The following MAP4K4 variants were observed in gnomAD, a reference collection of about 807,000 sequenced individuals.
MAP4K4 encodes the protein HPK/GCK-like kinase HGK.
Under a neutral mutation model 189.6 loss-of-function variants are expected in MAP4K4, and 38 were observed. That is an observed-to-expected ratio of 0.20 (90% CI 0.15 to 0.26). MAP4K4 has a LOEUF of 0.26. Ranked by LOEUF, MAP4K4 falls within the 10% of genes least tolerant of loss-of-function variation. The pLI is 1.00. For synonymous variants in MAP4K4, 610 were observed against 624.3 expected, an observed-to-expected ratio of 0.98 and a Z score of 0.34; for missense variants, 1,054 against 1,726.9, an observed-to-expected ratio of 0.61 and a Z score of 6.91.
Position 101,877,164 on chromosome 2 carries a change from AAAC to A in MAP4K4, c.3385+19_3385+21del, listed in dbSNP as rs772133412. 15 of 1,613,292 alleles carry A rather than the reference AAAC, an allele frequency of 9.3e-6. No individual in the cohort carries two copies. Among genetic ancestry groups the A allele is most frequent in the Admixed American group, 1.7e-5 (1 of 59,984 alleles). On this transcript the variant is annotated intron_variant, in intron 27 of 32. Coordinates refer to ENST00000324219, the Ensembl canonical transcript of MAP4K4. ...AATATCTGGTGAGTGTTTGTTTTGT[AAAC>A]CAGAATATGTGACACCATCTTAACA...
chr2:101,861,934 TA>T (rs375489497), intron 16 of MAP4K4: 40,543 of 134,844 alleles, frequency 0.3, 5,957 homozygotes, highest in Non-Finnish European at 0.34. Context: ...ATGGAGGAGT[TA>T]AAAAAAAAAA....
intron 2 of MAP4K4, among the ~76,000 whole-genome samples, chr2:101,715,104 CAG>C (rs1474439469): frequency 6.6e-6 from 1 of 152,172 alleles, no homozygotes; most frequent in African/African-American, 2.4e-5. Flanking sequence ...TTCTAGAGGA[CAG>C]AAGTCCAAGA....
At chr2:101,704,099 G>A (rs2040597856) in intron 2 of MAP4K4, among the ~76,000 whole-genome samples, 1 of 152,168 alleles carries the variant, frequency 6.6e-6, no homozygotes, top group Non-Finnish European at 1.5e-5. Flanking sequence ...TATCTTTTAA[G>A]TGTAGCATCT....
At chr2:101,819,018 G>A (rs932263097) in intron 3 of MAP4K4, among the ~76,000 whole-genome samples, 3 of 152,196 alleles carry the variant, frequency 2.0e-5, no homozygotes, top group Non-Finnish European at 2.9e-5. Flanking sequence ...AGAAGGGCAT[G>A]GAGGACACAG....
At chr2:101,697,976 C>G (rs2035205163) in exon 1 of MAP4K4, 1 of 736,320 alleles carries the variant, frequency 1.4e-6, no homozygotes, top group Non-Finnish European at 1.9e-6. Flanking sequence ...CGGGCCGGCT[C>G]GGCTGCCGCG....
intron 2 of MAP4K4, among the ~76,000 whole-genome samples, chr2:101,731,152 T>C (rs2058288462): frequency 6.6e-6 from 1 of 151,944 alleles, no homozygotes. Context: ...AGTTTCATTC[T>C]GCTGCCCAGG....
At chr2:101,736,387 C>T (rs2060280087) in intron 2 of MAP4K4, among the ~76,000 whole-genome samples, 1 of 152,210 alleles carries the variant, frequency 6.6e-6, no homozygotes, top group African/African-American at 2.4e-5. Context: ...CTGCCAGGCA[C>T]TTCTGTATGC....
chr2:101,837,661 G>A (rs2096798755), intron 9 of MAP4K4, among the ~76,000 whole-genome samples: 1 of 152,088 alleles, frequency 6.6e-6, no homozygotes, highest in Admixed American at 6.5e-5. Context: ...ACTCTACCCA[G>A]TTCATGCTTT....
At chr2:101,845,945 T>C (rs1343362625) in intron 12 of MAP4K4, among the ~76,000 whole-genome samples, 1 of 152,252 alleles carries the variant, frequency 6.6e-6, no homozygotes. Context: ...TATTAAATAT[T>C]ATCCTACTAA....
At chr2:101,754,512 C>T (rs1262062261) in intron 2 of MAP4K4, among the ~76,000 whole-genome samples, 1 of 151,974 alleles carries the variant, frequency 6.6e-6, no homozygotes, top group Non-Finnish European at 1.5e-5. Flanking sequence ...CCACCGTGCC[C>T]AGCTGATTTT....
chr2:101,866,492 A>C, exon 19 of MAP4K4: 1 of 1,613,730 alleles, frequency 6.2e-7, no homozygotes, highest in Non-Finnish European at 8.5e-7. Flanking sequence ...TGGCAGTGGC[A>C]GCTCCTCAGG....
chr2:101,723,091 A>G (rs529535129), intron 2 of MAP4K4, among the ~76,000 whole-genome samples: 3 of 152,196 alleles, frequency 2.0e-5, no homozygotes. Flanking sequence ...GGAACTGCCA[A>G]ACACTTACAA....
At chr2:101,701,296 C>T (rs749796580) in intron 2 of MAP4K4, among the ~76,000 whole-genome samples, 3 of 151,974 alleles carry the variant, frequency 2.0e-5, no homozygotes, top group Non-Finnish European at 4.4e-5. Flanking sequence ...TCTTTTGGGG[C>T]GAACGACTCT....
intron 15 of MAP4K4, 198 bp downstream of exon 15, chr2:101,860,062 C>G: frequency 1.6e-6 from 1 of 614,168 alleles, no homozygotes; most frequent in Non-Finnish European, 2.9e-6. Context: ...GTGCTTTTTC[C>G]ATAAAGGACC....
intron 2 of MAP4K4, among the ~76,000 whole-genome samples, chr2:101,721,546 C>T (rs2052053860): frequency 6.6e-6 from 1 of 151,904 alleles, no homozygotes; most frequent in South Asian, 2.1e-4. Flanking sequence ...AGCGATTCTC[C>T]TGCCTCGGCT....
chr2:101,853,028 A>G (rs981274081), intron 12 of MAP4K4, among the ~76,000 whole-genome samples: 3 of 152,198 alleles, frequency 2.0e-5, no homozygotes, highest in African/African-American at 7.2e-5. Flanking sequence ...AGGATATTGG[A>G]AGGATTCCCA....
chr2:101,790,766 A>T, exon 3 of MAP4K4: 1 of 1,609,742 alleles, frequency 6.2e-7, no homozygotes, highest in Non-Finnish European at 8.5e-7. Context: ...AAAGTTATGG[A>T]TGTCACTGAG....
intron 2 of MAP4K4, among the ~76,000 whole-genome samples, chr2:101,717,344 A>G (rs1042002919): frequency 6.6e-6 from 1 of 152,236 alleles, no homozygotes; most frequent in Non-Finnish European, 1.5e-5. Flanking sequence ...GAAAAGAGAT[A>G]TAGCTACAGG....
intron 2 of MAP4K4, among the ~76,000 whole-genome samples, chr2:101,775,811 T>A (rs1187921466): frequency 4.6e-5 from 7 of 152,174 alleles, no homozygotes; most frequent in African/African-American, 1.7e-4. Flanking sequence ...GTTGGGATGA[T>A]AGCTTAATGT....
Sources: allele counts gnomAD v4.1 joint callset (sites outside exome capture counted in the v4.1 genomes callset), GRCh38; gene constraint gnomAD v4.1.1; transcripts MANE v1.5; gene names NCBI Gene and HGNC (gene_info 2026-07-23, HGNC 2026-07-21).